Variants in WDPCP observed in about 807,000 individuals in gnomAD.
The protein encoded by WDPCP is WD repeat containing planar cell polarity effector, also known as WD repeat-containing and planar cell polarity effector protein fritz homolog.
Under a neutral mutation model 93.1 loss-of-function variants are expected in WDPCP, and 71 were observed. That is an observed-to-expected ratio of 0.76 (90% CI 0.63 to 0.93). The LOEUF (loss-of-function observed/expected upper bound fraction) is 0.93, where lower values mean the gene tolerates loss of function less well. Among genes scored for constraint, WDPCP ranks in the 40% least tolerant of loss-of-function variants. WDPCP has a pLI of 0.00. For missense variants in WDPCP, 844 were observed against 887.4 expected, an observed-to-expected ratio of 0.95 and a Z score of 0.62; for synonymous variants, 315 against 315.0, an observed-to-expected ratio of 1.00 and a Z score of 0.00.
At position 63,548,041 on chromosome 2, in the gene WDPCP, T is replaced by C. The variant is rs562073956; in HGVS notation, c.75+40156A>G. ...AAAATTATCACATACTCTGAAAATA[T>C]GTACATCTATTATGCATCAATAAAA... is the stretch of plus-strand genomic sequence containing the variant. On this transcript the variant is annotated intron_variant, in intron 1 of 17. Transcript: ENST00000272321. Among the ~76,000 whole-genome samples the C allele has an allele frequency of 2.7e-3, 408 of 152,224 alleles. 2 individuals carry two copies. The highest frequency in any genetic ancestry group is 9.4e-3 in the African/African-American group (389 of 41,558).
At chr2:63,162,302 T>G (rs113509522) in intron 15 of WDPCP, among the ~76,000 whole-genome samples, 1 of 152,178 alleles carries the variant, frequency 6.6e-6, no homozygotes, top group African/African-American at 2.4e-5. Context: ...ATAAATTCAT[T>G]TGCAGTTTTA....
At chr2:63,665,130 T>A (rs924292996) in intron 2 of WDPCP, among the ~76,000 whole-genome samples, 1 of 152,240 alleles carries the variant, frequency 6.6e-6, no homozygotes, top group African/African-American at 2.4e-5. Context: ...ATTATGGTTC[T>A]ATTAGTTCAG....
chr2:63,728,753 C>T (rs187614291), intron 2 of WDPCP, among the ~76,000 whole-genome samples: 9 of 152,242 alleles, frequency 5.9e-5, no homozygotes, highest in Admixed American at 5.9e-4. Context: ...CATTCCCATG[C>T]CATCATGGAC....
rs953138101 is a variant in WDPCP at position 63,282,157 on chromosome 2, G to A, written c.1813-22748C>T. The stretch of plus-strand genomic sequence containing the variant: ...GCAAAAAGACCAAAGCTGAAGGCAC[G>A]CTACTAAAATATAATACAAAGTTAT... On this transcript the variant is annotated intron_variant, in intron 13 of 17. Coordinates refer to ENST00000272321, the MANE Select transcript of WDPCP (RefSeq NM_015910.7). Among the ~76,000 whole-genome samples the A allele has an allele frequency of 2.4e-4, 37 of 152,156 alleles. 3 individuals carry two copies. The highest frequency in any genetic ancestry group is 1.4e-3 in the Admixed American group (21 of 15,276).
At chr2:63,680,628 A>G (rs930156114) in intron 2 of WDPCP, among the ~76,000 whole-genome samples, 5 of 152,176 alleles carry the variant, frequency 3.3e-5, no homozygotes, top group African/African-American at 1.2e-4. Flanking sequence ...CTAGGCCACA[A>G]GGACTGCAAT....
At chr2:63,528,582 G>GT (rs1327760251) in intron 1 of WDPCP, among the ~76,000 whole-genome samples, 2 of 152,156 alleles carry the variant, frequency 1.3e-5, no homozygotes, top group Admixed American at 1.3e-4. Flanking sequence ...CTATATCTCT[G>GT]TTTTGGTACC....
intron 13 of WDPCP, among the ~76,000 whole-genome samples, chr2:63,304,976 C>T (rs1049119457): frequency 1.3e-5 from 2 of 152,086 alleles, no homozygotes; most frequent in African/African-American, 2.4e-5. Flanking sequence ...AACAAAGCTG[C>T]CAGGAGGTTC....
chr2:63,281,735 A>G (rs1234847566), intron 13 of WDPCP, among the ~76,000 whole-genome samples: 1 of 152,194 alleles, frequency 6.6e-6, no homozygotes, highest in East Asian at 1.9e-4. Context: ...TGGAAAACTA[A>G]ACATCGTATG....
chr2:63,695,313 T>C (rs552849857), intron 2 of WDPCP, among the ~76,000 whole-genome samples: 187 of 152,342 alleles, frequency 1.2e-3, no homozygotes, highest in African/African-American at 4.3e-3. Flanking sequence ...TCAATAGATA[T>C]CCTTTTTTTA....
intron 6 of WDPCP, among the ~76,000 whole-genome samples, chr2:63,443,826 T>C (rs1172535330): frequency 2.0e-5 from 3 of 152,058 alleles, no homozygotes; most frequent in East Asian, 1.9e-4. Context: ...TGCTGAAAAA[T>C]TGAATGTGGC....
chr2:63,329,894 T>C (rs138813922), intron 12 of WDPCP, among the ~76,000 whole-genome samples: 3 of 152,346 alleles, frequency 2.0e-5, no homozygotes, highest in East Asian at 1.9e-4. Context: ...TCTAGGTTCA[T>C]TCACATTGTT....
intron 14 of WDPCP, among the ~76,000 whole-genome samples, chr2:63,202,255 G>C (rs920227621): frequency 2.0e-5 from 3 of 151,816 alleles, no homozygotes; most frequent in Admixed American, 2.0e-4. Flanking sequence ...CACATAGCAG[G>C]CCTTTTGATT....
At chr2:63,604,984 C>T in intron 3 of WDPCP, 1 of 1,052,416 alleles carries the variant, frequency 9.5e-7, no homozygotes. Context: ...CTGATGACTG[C>T]ATACTTTCGG....
At chr2:63,384,423 C>G (rs1692563815) in intron 10 of WDPCP, among the ~76,000 whole-genome samples, 1 of 152,072 alleles carries the variant, frequency 6.6e-6, no homozygotes, top group African/African-American at 2.4e-5. Flanking sequence ...TCAAAGCTCA[C>G]TCAAGAAGGA....
In WDPCP at chr2:63,588,464, C is replaced by A. The variant is rs961435810; in HGVS notation, c.-193G>T. On this transcript the variant is annotated 5_prime_UTR_variant, in exon 1 of 18. Transcript: ENST00000272321. ...TTAGCAACCTGAGAAGCTGTCCGGTCGTCCCAACTTATCAATTCCCCCGCC... is the reference window on the plus strand; with the variant it reads ...TTAGCAACCTGAGAAGCTGTCCGGTAGTCCCAACTTATCAATTCCCCCGCC... 1.0e-5 allele frequency: 7 copies of A among 680,712 alleles called. No homozygotes were observed. The highest frequency in any genetic ancestry group is 5.4e-5 in the East Asian group (2 of 36,992). 42.2% of individuals were successfully genotyped at this position (680,712 alleles called of 1,614,324 possible). A position where few individuals can be genotyped will look rare whatever the true frequency, so the allele number is the denominator to read the frequency against.
chr2:63,772,561 C>T (rs563074787), intron 2 of WDPCP, among the ~76,000 whole-genome samples: 83 of 151,942 alleles, frequency 5.5e-4, no homozygotes, highest in African/African-American at 2.0e-3. Context: ...AAACTTAATC[C>T]AAGGATGCAT....
At chr2:63,831,170 T>C (rs1264504361), upstream of WDPCP, among the ~76,000 whole-genome samples, 1 of 152,210 alleles carries the variant, frequency 6.6e-6, no homozygotes, top group Non-Finnish European at 1.5e-5. Context: ...TTTCAAAATA[T>C]ATCTCTAAAC....
chr2:63,636,653 C>A (rs543283386), intron 3 of WDPCP, among the ~76,000 whole-genome samples: 69 of 152,116 alleles, frequency 4.5e-4, no homozygotes, highest in African/African-American at 1.6e-3. Context: ...TCCAGGCTGG[C>A]ATCACACTTC....
At chr2:63,207,156 G>T (rs1414265875) in intron 14 of WDPCP, among the ~76,000 whole-genome samples, 7 of 152,146 alleles carry the variant, frequency 4.6e-5, no homozygotes, top group Non-Finnish European at 1.5e-5. Context: ...TCCTTACATA[G>T]ATGTCTCAAG....
Sources: gnomAD v4.1 joint callset for allele counts (sites outside exome capture counted in the v4.1 genomes callset) on GRCh38, gnomAD v4.1.1 for gene constraint, MANE v1.5 for transcripts, NCBI Gene and HGNC (gene_info 2026-07-23, HGNC 2026-07-21) for gene names.